OR2A5: variants seen among roughly 807,000 people sequenced by gnomAD.
OR2A5 encodes olfactory receptor 2A5.
OR2A5 carries 2 observed loss-of-function variants against 1.9 expected under a neutral mutation model. The observed-to-expected ratio is 1.04, with a 90% confidence interval of 0.43 to 3.28. OR2A5 has a LOEUF of 3.28. Among genes scored for constraint, OR2A5 ranks in the 30% most tolerant of loss-of-function variants. The pLI is 0.08. For missense variants in OR2A5, 391 were observed against 375.9 expected, an observed-to-expected ratio of 1.04 and a Z score of -0.33; for synonymous variants, 160 against 154.5, an observed-to-expected ratio of 1.04 and a Z score of -0.26.
Position 144,054,028 on chromosome 7 carries a change from T to G in OR2A5, c.*2691T>G, listed in dbSNP as rs1388244522. The stretch of plus-strand genomic sequence containing the variant: ...GGTGTACCCACCTGTGTTCTTTACC[T>G]TTATGATGTGATTAATGCTTTTCCA... On this transcript the variant is annotated 3_prime_UTR_variant, in exon 2 of 2. Coordinates refer to ENST00000641693, the MANE Select transcript of OR2A5 (RefSeq NM_012365.2). The G allele has an allele frequency of 2.0e-5, 3 of 152,244 alleles. No homozygotes were observed. The highest frequency in any genetic ancestry group is 4.4e-5 in the Non-Finnish European group (3 of 68,074). 9.4% of individuals were successfully genotyped at this position (152,244 alleles called of 1,614,324 possible). A position where few individuals can be genotyped will look rare whatever the true frequency, so the allele number is the denominator to read the frequency against.
At position 144,056,167 on chromosome 7, in the gene OR2A5, G is replaced by A. The variant is rs1043702127; in HGVS notation, c.*4830G>A. ...TGCAATAATGGGGAACTGAGGCTTA[G>A]CACCTTCCTTGAAAATAAGGTATGG... On this transcript the variant is annotated 3_prime_UTR_variant, in exon 2 of 2. Coordinates refer to ENST00000641693, the MANE Select transcript of OR2A5 (RefSeq NM_012365.2). 3.9e-5 allele frequency: 6 copies of A among 152,204 alleles called. No individual in the cohort carries two copies. The highest frequency in any genetic ancestry group is 1.4e-4 in the African/African-American group (6 of 41,438). The allele number at this position is 152,204 out of a possible 1,614,324, so 9.4% of individuals were successfully genotyped here.
In OR2A5 at chr7:144,050,406, C is replaced by CA. The variant is rs749101958; in HGVS notation, c.11dup (p.Asn4LysfsTer66). 2.6e-6 allele frequency: 4 copies of CA among 1,536,086 alleles called. No individual in the cohort carries two copies. The highest frequency in any genetic ancestry group is 2.3e-5 in the East Asian group (1 of 44,430). ...CGCAGGTACTGTCACAAGGGCATGA[C>CA]AAAAAATCAGACATGGGTCACAGAA... is the stretch of plus-strand genomic sequence containing the variant. On this transcript the variant is annotated frameshift_variant, in exon 2 of 2. Coordinates refer to ENST00000641693, the MANE Select transcript of OR2A5 (RefSeq NM_012365.2). LOFTEE classifies it low-confidence loss of function (END_TRUNC).
Position 144,051,516 on chromosome 7 carries a change from C to G in OR2A5, c.*179C>G. On this transcript the variant is annotated 3_prime_UTR_variant, in exon 2 of 2. Transcript: ENST00000641693. ...AGATCACAAAGCACATGCAGACAGGCGCTGAGCCGTGTGGTGCAGCAGAGG... is the reference window on the plus strand; with the variant it reads ...AGATCACAAAGCACATGCAGACAGGGGCTGAGCCGTGTGGTGCAGCAGAGG... The G allele has an allele frequency of 1.6e-6, 1 of 615,088 alleles. No homozygotes were observed. The highest frequency in any genetic ancestry group is 2.8e-6 in the Non-Finnish European group (1 of 357,062). The allele number at this position is 615,088 out of a possible 1,614,324, so 38.1% of individuals were successfully genotyped here.
chr7:144,055,715 A>T lies in OR2A5; in HGVS notation c.*4378A>T, dbSNP rs559173884. On this transcript the variant is annotated 3_prime_UTR_variant, in exon 2 of 2. Coordinates refer to ENST00000641693, the MANE Select transcript of OR2A5 (RefSeq NM_012365.2). Reference sequence around the variant, plus strand: ...TCACATTTTAAAATATTAGCCTGATATTCAGTGATAGTGGCTCAATGACTT... The same window carrying T: ...TCACATTTTAAAATATTAGCCTGATTTTCAGTGATAGTGGCTCAATGACTT... The T allele has an allele frequency of 3.9e-5, 6 of 152,336 alleles. No individual in the cohort carries two copies. The East Asian group carries it at 1.2e-3, about 29-fold the overall frequency. 9.4% of individuals were successfully genotyped at this position (152,336 alleles called of 1,614,324 possible). A position where few individuals can be genotyped will look rare whatever the true frequency, so the allele number is the denominator to read the frequency against.
intron 1 of OR2A5, 79 bp from the exon 2 acceptor site, chr7:144,050,272 A>C (rs917307270): frequency 1.7e-6 from 1 of 589,736 alleles, no homozygotes; most frequent in Non-Finnish European, 2.9e-6. Context: ...AACCTTGCTG[A>C]CTGAGTCAGC....
rs892160214 is a variant in OR2A5 at position 144,052,731 on chromosome 7, T to C, written c.*1394T>C. On this transcript the variant is annotated 3_prime_UTR_variant, in exon 2 of 2. Transcript: ENST00000641693. ...GGTCTTTGTTTTCATATCTCCATACTGTGAGGACATTTTTTGGCCTGCAGA... is the reference window on the plus strand; with the variant it reads ...GGTCTTTGTTTTCATATCTCCATACCGTGAGGACATTTTTTGGCCTGCAGA... The C allele has an allele frequency of 1.3e-5, 2 of 152,146 alleles. No individual in the cohort carries two copies. Among genetic ancestry groups the C allele is most frequent in the Admixed American group, 6.5e-5 (1 of 15,274 alleles). The allele number at this position is 152,146 out of a possible 1,614,324, so 9.4% of individuals were successfully genotyped here. A position where few individuals can be genotyped will look rare whatever the true frequency, so the allele number is the denominator to read the frequency against.
Position 144,051,844 on chromosome 7 carries a change from G to A in OR2A5, c.*507G>A. ...CCTAAGGATGATGATATTAGTACTG[G>A]AAGTTCATCTAAATCACCCTAACAA... On this transcript the variant is annotated 3_prime_UTR_variant, in exon 2 of 2. Coordinates refer to ENST00000641693, the MANE Select transcript of OR2A5 (RefSeq NM_012365.2). 1 of 153,576 alleles carries A rather than the reference G, an allele frequency of 6.5e-6. No individual in the cohort carries two copies. The highest frequency in any genetic ancestry group is 1.9e-4 in the East Asian group (1 of 5,204). 9.5% of individuals were successfully genotyped at this position (153,576 alleles called of 1,614,324 possible).
At position 144,058,141 on chromosome 7, in the gene OR2A5, A is replaced by G. The variant is rs1332565371; in HGVS notation, c.*6804A>G. The G allele has an allele frequency of 6.6e-6, 1 of 152,232 alleles. No individual in the cohort carries two copies. Among genetic ancestry groups the G allele is most frequent in the Non-Finnish European group, 1.5e-5 (1 of 68,054 alleles). 9.4% of individuals were successfully genotyped at this position (152,232 alleles called of 1,614,324 possible). ...ATACAAGGCTGTTGTCCTAGTGATT[A>G]CAGCCACATGAGTCACTGGTCAGCT... On this transcript the variant is annotated 3_prime_UTR_variant, in exon 2 of 2. Transcript: ENST00000641693.
rs1043650903 is a variant in OR2A5, at chr7:144,054,611, A to G, written c.*3274A>G. 1 of 152,184 alleles carries G rather than the reference A, an allele frequency of 6.6e-6. No individual in the cohort carries two copies. The highest frequency in any genetic ancestry group is 1.5e-5 in the Non-Finnish European group (1 of 68,030). The allele number at this position is 152,184 out of a possible 1,614,324, so 9.4% of individuals were successfully genotyped here. On this transcript the variant is annotated 3_prime_UTR_variant, in exon 2 of 2. Transcript: ENST00000641693. The stretch of plus-strand genomic sequence containing the variant: ...GGTGATATTGGGGAAGGTCTCCACC[A>G]AAGGAGGTTGAAGGTTAGTACACAG...
chr7:144,055,025 T>C lies in OR2A5; in HGVS notation c.*3688T>C, dbSNP rs1176046205. On this transcript the variant is annotated 3_prime_UTR_variant, in exon 2 of 2. Transcript: ENST00000641693. ...CTAATCATATTAGGAAAGAAATATA[T>C]AGATGAGCAAATAAATGAGTGCATA... 6.6e-6 allele frequency: 1 copy of C among 152,132 alleles called. No individual in the cohort carries two copies. Among genetic ancestry groups the C allele is most frequent in the Admixed American group, 6.5e-5 (1 of 15,276 alleles). The allele number at this position is 152,132 out of a possible 1,614,324, so 9.4% of individuals were successfully genotyped here.
At position 144,052,620 on chromosome 7, in the gene OR2A5, TG is replaced by T. The variant is rs1428227044; in HGVS notation, c.*1284del. 1 of 152,198 alleles carries T rather than the reference TG, an allele frequency of 6.6e-6. No individual in the cohort carries two copies. The highest frequency in any genetic ancestry group is 1.5e-5 in the Non-Finnish European group (1 of 68,042). The allele number at this position is 152,198 out of a possible 1,614,324, so 9.4% of individuals were successfully genotyped here. A position where few individuals can be genotyped will look rare whatever the true frequency, so the allele number is the denominator to read the frequency against. On this transcript the variant is annotated 3_prime_UTR_variant, in exon 2 of 2. Transcript: ENST00000641693. ...CCTCCCACCCCCTCTCCAAATGCACTGTTTTCTTTTCAGTTCTCAAAAAGCC... is the reference window on the plus strand; with the variant it reads ...CCTCCCACCCCCTCTCCAAATGCACTTTTTCTTTTCAGTTCTCAAAAAGCC...
rs1563026871 is a variant in OR2A5 at position 144,050,928 on chromosome 7, ACTT to A, written c.533_535del (p.Phe178del). The A allele has an allele frequency of 1.2e-6, 2 of 1,613,976 alleles. No homozygotes were observed. The highest frequency in any genetic ancestry group is 8.5e-7 in the Non-Finnish European group (1 of 1,180,000). ...TTCTGTGGGCCCCATGAAATCAACC[ACTT>A]CTTCTGTGAAATCCTGTCTGTCCTC... On this transcript the variant is annotated inframe_deletion, in exon 2 of 2. Transcript: ENST00000641693.
intron 1 of OR2A5, among the ~76,000 whole-genome samples, chr7:144,049,591 C>A (rs1420227918): frequency 6.6e-6 from 1 of 152,206 alleles, no homozygotes; most frequent in African/African-American, 2.4e-5. Context: ...AGGGAAGCAG[C>A]CCTGCAAAGG....
In OR2A5 at chr7:144,058,727, CA is replaced by C. The variant is rs1448952789; in HGVS notation, c.*7391del. The C allele has an allele frequency of 6.6e-6, 1 of 152,088 alleles. No individual in the cohort carries two copies. Among genetic ancestry groups the C allele is most frequent in the East Asian group, 1.9e-4 (1 of 5,186 alleles). 9.4% of individuals were successfully genotyped at this position (152,088 alleles called of 1,614,324 possible). On this transcript the variant is annotated 3_prime_UTR_variant, in exon 2 of 2. Coordinates refer to ENST00000641693, the MANE Select transcript of OR2A5 (RefSeq NM_012365.2). ...AAGCCTGGCCAATATGGTGAAACCC[CA>C]TCTCTTCTAAAATACAAAAATTACC...
Position 144,051,402 on chromosome 7 carries a change from T to C in OR2A5, c.*65T>C. ...CCAATGAGATTTGTAGGAACAGTGGTGTAAATGCCTTACAGTCTCATCTCT... is the reference window on the plus strand; with the variant it reads ...CCAATGAGATTTGTAGGAACAGTGGCGTAAATGCCTTACAGTCTCATCTCT... On this transcript the variant is annotated 3_prime_UTR_variant, in exon 2 of 2. Coordinates refer to ENST00000641693, the MANE Select transcript of OR2A5 (RefSeq NM_012365.2). 1 of 1,234,844 alleles carries C rather than the reference T, an allele frequency of 8.1e-7. No homozygotes were observed. Among genetic ancestry groups the C allele is most frequent in the Non-Finnish European group, 1.1e-6 (1 of 874,594 alleles). 76.5% of individuals were successfully genotyped at this position (1,234,844 alleles called of 1,614,324 possible). A position where few individuals can be genotyped will look rare whatever the true frequency, so the allele number is the denominator to read the frequency against.
In OR2A5 at chr7:144,050,569, C is replaced by A. The variant is rs1230040739; in HGVS notation, c.168C>A (p.Thr56=). The A allele has an allele frequency of 6.2e-7, 1 of 1,610,036 alleles. No homozygotes were observed. Among genetic ancestry groups the A allele is most frequent in the African/African-American group, 1.3e-5 (1 of 75,026 alleles). ...TCTGGCTGGACTCCAGACTGCACAC[C>A]CCCATGTACTTCTTTCTCTCACACC... ...GLIWLDSRLH[T]PMYFFLSHLA... Residue 56 remains threonine, a synonymous_variant, in exon 2 of 2, where the codon ACC becomes ACA. Transcript: ENST00000641693.
In OR2A5 at chr7:144,051,577, C is replaced by T. The variant is rs1413454596; in HGVS notation, c.*240C>T. 2 of 455,516 alleles carry T rather than the reference C, an allele frequency of 4.4e-6. No individual in the cohort carries two copies. The highest frequency in any genetic ancestry group is 3.9e-5 in the Admixed American group (1 of 25,750). 28.2% of individuals were successfully genotyped at this position (455,516 alleles called of 1,614,324 possible). A position where few individuals can be genotyped will look rare whatever the true frequency, so the allele number is the denominator to read the frequency against. On this transcript the variant is annotated 3_prime_UTR_variant, in exon 2 of 2. Coordinates refer to ENST00000641693, the MANE Select transcript of OR2A5 (RefSeq NM_012365.2). ...CATGAACTCCTACTCCCAGGTCCCA[C>T]CCCTACCCAGGATCTGCTTTCTGTT...
At position 144,054,886 on chromosome 7, in the gene OR2A5, T is replaced by C. The variant is rs1266662131; in HGVS notation, c.*3549T>C. On this transcript the variant is annotated 3_prime_UTR_variant, in exon 2 of 2. Transcript: ENST00000641693. ...CTCCTCTAGGAAATCTCAGTCTCTG[T>C]ATGTAGAGATAGAAACTCACCCTGG... is the stretch of plus-strand genomic sequence containing the variant. 1 of 152,204 alleles carries C rather than the reference T, an allele frequency of 6.6e-6. No homozygotes were observed. The highest frequency in any genetic ancestry group is 1.5e-5 in the Non-Finnish European group (1 of 68,032). 9.4% of individuals were successfully genotyped at this position (152,204 alleles called of 1,614,324 possible).
intron 1 of OR2A5, among the ~76,000 whole-genome samples, chr7:144,049,956 G>A (rs2050888556): frequency 6.6e-6 from 1 of 152,148 alleles, no homozygotes; most frequent in East Asian, 1.9e-4. Flanking sequence ...CAAAATAATT[G>A]AAAACCAAAT....
Sources: gnomAD v4.1 joint callset for allele counts (sites outside exome capture counted in the v4.1 genomes callset) on GRCh38, gnomAD v4.1.1 for gene constraint, MANE v1.5 for transcripts, NCBI Gene and HGNC (gene_info 2026-07-23, HGNC 2026-07-21) for gene names.